The following TESK2 variants were observed in gnomAD, a reference collection of about 807,000 sequenced individuals.
TESK2 encodes the protein testis associated actin remodelling kinase 2, also known as dual specificity testis-specific protein kinase 2.
TESK2 carries 39 observed loss-of-function variants against 57.1 expected under a neutral mutation model. The observed-to-expected ratio is 0.68, with a 90% confidence interval of 0.53 to 0.89. TESK2 has a LOEUF of 0.89. Among genes scored for constraint, TESK2 ranks in the 40% least tolerant of loss-of-function variants. The pLI is 0.00. For synonymous variants in TESK2, 249 were observed against 267.9 expected (o/e 0.93, Z 0.69); for missense variants, 646 against 732.1 (o/e 0.88, Z 1.36).
chr1:45,434,358 G>A (rs2149291397), intron 2 of TESK2, among the ~76,000 whole-genome samples: 1 of 152,090 alleles, frequency 6.6e-6, no homozygotes, highest in East Asian at 1.9e-4. Flanking sequence ...GCAGTGGCAT[G>A]ATCACAGCTC....
At chr1:45,432,721 A>G (rs940686309) in intron 2 of TESK2, among the ~76,000 whole-genome samples, 1 of 150,640 alleles carries the variant, frequency 6.6e-6, no homozygotes, top group Non-Finnish European at 1.5e-5. Context: ...ATACATTATT[A>G]ATGATAGTCA....
At chr1:45,487,288 T>C (rs190653038) in intron 1 of TESK2, among the ~76,000 whole-genome samples, 4 of 152,306 alleles carry the variant, frequency 2.6e-5, no homozygotes, top group Admixed American at 2.0e-4. Context: ...TTAATTCATA[T>C]ACAAACATCT....
chr1:45,475,085 A>AAAAAG (rs1557588075), intron 1 of TESK2, among the ~76,000 whole-genome samples: 2 of 146,116 alleles, frequency 1.4e-5, no homozygotes, highest in Non-Finnish European at 3.0e-5. Flanking sequence ...AAAAAAAAGA[A>AAAAAG]AAGAAAAGAA....
intron 4 of TESK2, among the ~76,000 whole-genome samples, chr1:45,370,079 G>A (rs1648113451): frequency 6.6e-6 from 1 of 152,108 alleles, no homozygotes; most frequent in Non-Finnish European, 1.5e-5. Flanking sequence ...TATGGATAAA[G>A]AGGCAGGAAA....
chr1:45,479,607 A>T (rs1653130492), intron 1 of TESK2, among the ~76,000 whole-genome samples: 1 of 150,800 alleles, frequency 6.6e-6, no homozygotes, highest in Non-Finnish European at 1.5e-5. Context: ...CCAAAAAATT[A>T]TATTATTCTA....
rs773771528 is a variant in TESK2, at chr1:45,362,602, C to G, written c.394-7153G>C. Among the ~76,000 whole-genome samples the G allele has an allele frequency of 5.6e-4, 85 of 152,180 alleles. 2 individuals are homozygous for G. The highest frequency in any genetic ancestry group is 1.0e-3 in the Admixed American group (16 of 15,284). On this transcript the variant is annotated intron_variant, in intron 4 of 10. Coordinates refer to ENST00000372086, the MANE Select transcript of TESK2 (RefSeq NM_007170.3). The stretch of plus-strand genomic sequence containing the variant: ...TTCAGAGAAGGTCTGGAGAAAATAT[C>G]AACTCTAAGAATTATTATTCCTTTT...
chr1:45,385,744 A>G (rs2149274783), intron 4 of TESK2, among the ~76,000 whole-genome samples, 168 bp downstream of exon 4: 1 of 150,112 alleles, frequency 6.7e-6, no homozygotes, highest in East Asian at 1.9e-4. Context: ...ATAAAGAAAT[A>G]CTGCCATTGT....
chr1:45,475,946 A>G (rs1209724201), intron 1 of TESK2, among the ~76,000 whole-genome samples: 1 of 152,204 alleles, frequency 6.6e-6, no homozygotes, highest in Non-Finnish European at 1.5e-5. Flanking sequence ...GCCTTTGGCC[A>G]CAGACTGAAG....
At chr1:45,407,632 G>A (rs985037355) in intron 3 of TESK2, among the ~76,000 whole-genome samples, 9 of 152,070 alleles carry the variant, frequency 5.9e-5, no homozygotes, top group South Asian at 2.1e-4. Flanking sequence ...TAAGTCTCAC[G>A]ATATCTGATA....
chr1:45,430,284 G>A (rs1426905871), intron 2 of TESK2, among the ~76,000 whole-genome samples: 2 of 152,144 alleles, frequency 1.3e-5, no homozygotes, highest in Middle Eastern at 3.4e-3. Context: ...GAGCCCAGGA[G>A]TTCGAGATAG....
At chr1:45,436,186 T>TTTTTTTTTTTTTC (rs1651212035) in intron 2 of TESK2, among the ~76,000 whole-genome samples, 1 of 94,772 alleles carries the variant, frequency 1.1e-5, no homozygotes, top group Non-Finnish European at 2.0e-5. Flanking sequence ...ATCTTCTTTT[T>TTTTTTTTTTTTTC]TTTTTTTTTT....
intron 1 of TESK2, among the ~76,000 whole-genome samples, chr1:45,472,568 A>AG (rs1652812790): frequency 6.6e-6 from 1 of 151,950 alleles, no homozygotes; most frequent in East Asian, 1.9e-4. Context: ...CAAAAAAAAA[A>AG]AAAAAAAAGG....
chr1:45,431,135 G>A (rs1179519973), intron 2 of TESK2, among the ~76,000 whole-genome samples: 2 of 152,152 alleles, frequency 1.3e-5, no homozygotes, highest in Non-Finnish European at 2.9e-5. Flanking sequence ...GAAGATGCAA[G>A]AGGCCGGGCA....
chr1:45,377,090 T>C (rs1648459582), intron 4 of TESK2, among the ~76,000 whole-genome samples: 1 of 151,980 alleles, frequency 6.6e-6, no homozygotes, highest in Non-Finnish European at 1.5e-5. Context: ...TGTGGTGGCA[T>C]GCACCTGTAG....
intron 2 of TESK2, among the ~76,000 whole-genome samples, chr1:45,425,274 G>A (rs534035573): frequency 3.0e-4 from 45 of 152,074 alleles, no homozygotes; most frequent in Non-Finnish European, 5.7e-4. Flanking sequence ...TGAACAATCT[G>A]AAAAAGAAAC....
At chr1:45,437,295 G>A (rs1651272180) in intron 2 of TESK2, among the ~76,000 whole-genome samples, 1 of 151,928 alleles carries the variant, frequency 6.6e-6, no homozygotes, top group Admixed American at 6.6e-5. Flanking sequence ...TTTATTCATA[G>A]GTATTTTATT....
rs1652817928 is a variant in TESK2 at position 45,472,696 on chromosome 1, A to AT, written c.-86-14826dup. 3.3e-5 allele frequency among the ~76,000 whole-genome samples: 5 copies of AT among 152,132 alleles called. No individual in the cohort carries two copies. The South Asian group carries it at 1.0e-3, about 32-fold the overall frequency. On this transcript the variant is annotated intron_variant, in intron 1 of 10. Transcript: ENST00000372086. ...GAATGGCTAGCCATTCACCTAAAGGATATGATGTGTAAGGAGACGCAAATT... is the reference window on the plus strand; with the variant it reads ...GAATGGCTAGCCATTCACCTAAAGGATTATGATGTGTAAGGAGACGCAAATT...
intron 1 of TESK2, among the ~76,000 whole-genome samples, chr1:45,477,722 T>G (rs1653054992): frequency 6.6e-6 from 1 of 152,078 alleles, no homozygotes; most frequent in Non-Finnish European, 1.5e-5. Flanking sequence ...TTAAAAATCT[T>G]CAATGATATC....
intron 1 of TESK2, among the ~76,000 whole-genome samples, chr1:45,476,860 G>A (rs1653017660): frequency 3.3e-5 from 5 of 149,484 alleles, no homozygotes. Context: ...AAAAAAGAAT[G>A]AGGTAGCCAG....
Sources: gnomAD v4.1 joint callset for allele counts (sites outside exome capture counted in the v4.1 genomes callset) on GRCh38, gnomAD v4.1.1 for gene constraint, MANE v1.5 for transcripts, NCBI Gene and HGNC (gene_info 2026-07-23, HGNC 2026-07-21) for gene names.